Variants in SEMA5A observed in about 807,000 individuals in gnomAD.
SEMA5A encodes semaphorin-5A.
SEMA5A carries 55 observed loss-of-function variants against 135.5 expected under a neutral mutation model. The observed-to-expected ratio is 0.41, with a 90% CI of 0.33 to 0.51. The LOEUF (loss-of-function observed/expected upper bound fraction) is 0.51. Ranked by LOEUF, SEMA5A falls within the 20% of genes least tolerant of loss-of-function variation. The pLI, the probability that SEMA5A is intolerant of heterozygous loss-of-function variation, is 0.37. For missense variants in SEMA5A, 1,290 were observed against 1,419.9 expected (o/e 0.91, Z 1.47); for synonymous variants, 580 against 546.5 (o/e 1.06, Z -0.85).
intron 3 of SEMA5A, among the ~76,000 whole-genome samples, chr5:9,339,344 T>C (rs1182772993): frequency 1.3e-5 from 2 of 152,262 alleles, no homozygotes; most frequent in South Asian, 2.1e-4. Context: ...ACAGGAAAGA[T>C]GTCCTAGAGG....
chr5:9,499,355 G>GA (rs536370420), intron 1 of SEMA5A, among the ~76,000 whole-genome samples: 102 of 152,120 alleles, frequency 6.7e-4, no homozygotes, highest in African/African-American at 2.3e-3. Context: ...GCCAAATAAA[G>GA]AAAAAAGCAG....
intron 3 of SEMA5A, among the ~76,000 whole-genome samples, chr5:9,358,860 G>C (rs2126358487): frequency 6.6e-6 from 1 of 152,316 alleles, no homozygotes; most frequent in African/African-American, 2.4e-5. Context: ...CTGGAATCTA[G>C]AAAAGGAGGC....
chr5:9,490,752 G>A (rs111849393), intron 1 of SEMA5A, among the ~76,000 whole-genome samples: 1 of 152,188 alleles, frequency 6.6e-6, no homozygotes, highest in East Asian at 1.9e-4. Context: ...ACTTAGAGAG[G>A]TCTAAGGAAG....
chr5:9,469,606 C>T (rs1444999787), intron 1 of SEMA5A, among the ~76,000 whole-genome samples: 2 of 152,174 alleles, frequency 1.3e-5, no homozygotes, highest in East Asian at 1.9e-4. Context: ...GCCAGGATAC[C>T]GGCCCTAGGG....
At chr5:9,532,052 C>A (rs1376420927) in intron 1 of SEMA5A, among the ~76,000 whole-genome samples, 2 of 152,202 alleles carry the variant, frequency 1.3e-5, no homozygotes, top group Non-Finnish European at 2.9e-5. Flanking sequence ...TTTTTATCAA[C>A]CTGAAGGCAG....
intron 16 of SEMA5A, among the ~76,000 whole-genome samples, chr5:9,086,255 T>C (rs759340676): frequency 1.1e-4 from 16 of 152,160 alleles, no homozygotes; most frequent in Non-Finnish European, 2.2e-4. Flanking sequence ...TGTGAGGACA[T>C]GACATTTGGG....
At chr5:9,452,023 ATAAACTCT>A (rs1758663620) in intron 1 of SEMA5A, among the ~76,000 whole-genome samples, 1 of 152,232 alleles carries the variant, frequency 6.6e-6, no homozygotes, top group African/African-American at 2.4e-5. Context: ...ATGTTACATA[ATAAACTCT>A]GTCAGTAGAA....
At chr5:9,469,332 G>C (rs1372703781) in intron 1 of SEMA5A, among the ~76,000 whole-genome samples, 1 of 152,170 alleles carries the variant, frequency 6.6e-6, no homozygotes, top group Non-Finnish European at 1.5e-5. Context: ...TTAATAGCTA[G>C]TGAATTTAGC....
intron 8 of SEMA5A, among the ~76,000 whole-genome samples, chr5:9,207,102 G>GTATATATATATATATATATATATATA (rs70943947): frequency 5.1e-5 from 5 of 97,698 alleles, no homozygotes; most frequent in African/African-American, 1.2e-4. Context: ...ATGATCAAGT[G>GTATATATATATATATATATATATATA]TATATATATA....
At chr5:9,390,622 A>C (rs938891235) in intron 2 of SEMA5A, among the ~76,000 whole-genome samples, 1 of 152,180 alleles carries the variant, frequency 6.6e-6, no homozygotes, top group African/African-American at 2.4e-5. Flanking sequence ...AATCCAATGG[A>C]TTAGACATGT....
At chr5:9,098,237 CAATAAATAAATA>C (rs3063984) in intron 16 of SEMA5A, among the ~76,000 whole-genome samples, 146 of 140,308 alleles carry the variant, frequency 1.0e-3, no homozygotes, top group Non-Finnish European at 1.8e-3. Context: ...GACTCTGTCT[CAATAAATAAATA>C]AATAAATAAA....
intron 3 of SEMA5A, among the ~76,000 whole-genome samples, chr5:9,358,294 C>A (rs1251937399): frequency 6.6e-6 from 1 of 152,170 alleles, no homozygotes; most frequent in Non-Finnish European, 1.5e-5. Context: ...TCAGTGCTGT[C>A]CCTTGTGCAA....
intron 16 of SEMA5A, among the ~76,000 whole-genome samples, chr5:9,097,202 C>T (rs561353932): frequency 4.6e-5 from 7 of 152,262 alleles, no homozygotes; most frequent in Admixed American, 2.6e-4. Context: ...AGTAATACTG[C>T]CCCAGGTTTA....
intron 13 of SEMA5A, among the ~76,000 whole-genome samples, chr5:9,127,220 A>G (rs1488040194): frequency 6.6e-6 from 1 of 152,198 alleles, no homozygotes; most frequent in African/African-American, 2.4e-5. Context: ...TAATTCTGCA[A>G]AGGCTGTTCC....
At chr5:9,085,862 G>C (rs2150113011) in intron 16 of SEMA5A, among the ~76,000 whole-genome samples, 1 of 152,314 alleles carries the variant, frequency 6.6e-6, no homozygotes, top group African/African-American at 2.4e-5. Flanking sequence ...AAGGCAGCCA[G>C]GAGGGAGGCT....
At chr5:9,146,456 G>A (rs901043045) in intron 12 of SEMA5A, among the ~76,000 whole-genome samples, 38 of 152,302 alleles carry the variant, frequency 2.5e-4, no homozygotes, top group Middle Eastern at 3.4e-3. Flanking sequence ...TGTATCATAA[G>A]TGGTGATTAA....
chr5:9,522,760 G>A (rs1041208021), intron 1 of SEMA5A: 2 of 152,094 alleles, frequency 1.3e-5, no homozygotes, highest in Non-Finnish European at 2.9e-5. Context: ...ACCAAATTTG[G>A]TCTCCAATGA....
chr5:9,164,041 AAT>A lies in SEMA5A; in HGVS notation c.1274-9348_1274-9347del, dbSNP rs1157595216. ...TATAATATAAATATTTATATAATAT[AAT>A]ATATATTTATAATATAAATATTTAT... On this transcript the variant is annotated intron_variant, in intron 11 of 22. Transcript: ENST00000382496. Among the ~76,000 whole-genome samples the A allele has an allele frequency of 3.6e-3, 503 of 139,462 alleles. 10 individuals are homozygous for A. The highest frequency in any genetic ancestry group is 0.014 in the African/African-American group (489 of 35,684). The allele number at this position is 139,462 out of a possible 152,430, so 91.5% of individuals were successfully genotyped here. A position where few individuals can be genotyped will look rare whatever the true frequency, so the allele number is the denominator to read the frequency against.
intron 18 of SEMA5A, among the ~76,000 whole-genome samples, chr5:9,056,762 A>G (rs983936474): frequency 6.6e-6 from 1 of 152,154 alleles, no homozygotes; most frequent in Admixed American, 6.5e-5. Context: ...AGATCTAGCA[A>G]TCCCAATCCT....
Sources: gnomAD v4.1 joint callset for allele counts (sites outside exome capture counted in the v4.1 genomes callset) on GRCh38, gnomAD v4.1.1 for gene constraint, MANE v1.5 for transcripts, NCBI Gene and HGNC (gene_info 2026-07-23, HGNC 2026-07-21) for gene names.